Variants in MN1 observed in about 807,000 individuals in gnomAD.
The protein encoded by MN1 is transcriptional activator MN1.
In MN1, 19 loss-of-function variants were observed where a neutral mutation model predicts 86.9. The ratio of observed to expected loss-of-function variants is 0.22; its 90% CI spans 0.15 to 0.32. MN1 has a LOEUF of 0.32. MN1 is among the 10% of genes least tolerant of loss of function. MN1 has a pLI of 1.00. For synonymous variants in MN1, 928 were observed against 849.6 expected, an observed-to-expected ratio of 1.09 and a Z score of -1.60; for missense variants, 1,841 against 1,862.0, an observed-to-expected ratio of 0.99 and a Z score of 0.21.
chr22:27,759,187 G>A (rs1176855334), intron 1 of MN1, among the ~76,000 whole-genome samples: 35 of 152,058 alleles, frequency 2.3e-4, no homozygotes. Context: ...GAGAAAGGTG[G>A]AGGATTTGAC....
intron 1 of MN1, among the ~76,000 whole-genome samples, chr22:27,772,138 G>A (rs957916351): frequency 1.3e-5 from 2 of 152,150 alleles, no homozygotes; most frequent in African/African-American, 2.4e-5. Context: ...GGGAGAAATC[G>A]CTGCTGTGGG....
chr22:27,787,448 C>T (rs934481151), intron 1 of MN1, among the ~76,000 whole-genome samples: 8 of 152,228 alleles, frequency 5.3e-5, no homozygotes, highest in African/African-American at 1.7e-4. Context: ...CTTAATTTCT[C>T]CAGCTCCTTT....
Position 27,798,021 on chromosome 22 carries a change from G to C in MN1, c.2523C>G (p.Ala841=). The C allele has an allele frequency of 3.1e-6, 5 of 1,606,082 alleles. No individual in the cohort carries two copies. Among genetic ancestry groups the C allele is most frequent in the Non-Finnish European group, 4.2e-6 (5 of 1,177,656 alleles). The stretch of plus-strand genomic sequence containing the variant: ...TGTTGAAGGTCACGTTGAGGTTGGG[G>C]GCCCCGAGGCTGGCGATCATGTTCT... The part of the protein sequence containing the change: ...ACQNMIASLG[A]PNLNVTFNKK... Residue 841 remains alanine, a synonymous_variant, in exon 1 of 2, where the codon GCC becomes GCG. Transcript: ENST00000302326.
chr22:27,797,891 G>A lies in MN1; in HGVS notation c.2653C>T (p.Pro885Ser). The A allele has an allele frequency of 1.3e-6, 2 of 1,597,882 alleles. No homozygotes were observed. Among genetic ancestry groups the A allele is most frequent in the Non-Finnish European group, 1.7e-6 (2 of 1,172,492 alleles). ...GSDYFPGGTA[P>S]GAPGPGGPSG... ...GGGCCTCCGGGTCCTGGGGCCCCAG[G>A]AGCAGTCCCTCCTGGGAAGTAATCC... is the stretch of plus-strand genomic sequence containing the variant. Residue 885 changes from proline (P) to serine (S), a missense_variant, in exon 1 of 2, where the codon CCT becomes TCT. Transcript: ENST00000302326.
At chr22:27,785,736 T>C (rs2146309225) in intron 1 of MN1, among the ~76,000 whole-genome samples, 1 of 117,638 alleles carries the variant, frequency 8.5e-6, no homozygotes, top group South Asian at 2.7e-4. Flanking sequence ...CTGATACAGG[T>C]AACAGGTGTG....
intron 1 of MN1, among the ~76,000 whole-genome samples, chr22:27,772,346 G>T (rs139727315): frequency 6.6e-6 from 1 of 152,166 alleles, no homozygotes; most frequent in African/African-American, 2.4e-5. Context: ...AAATCAATCC[G>T]GCTTCTACCT....
In MN1 at chr22:27,799,928, G is replaced by A. The variant is rs2146318301; in HGVS notation, c.616C>T (p.Leu206=). The change falls in exon 1 of 2, where the codon CTG becomes TTG. Residue 206 remains leucine (L), a synonymous_variant. Coordinates refer to ENST00000302326, the MANE Select transcript of MN1 (RefSeq NM_002430.3). ...SPNRAASFHG[L]PSSSGSDSHS... is the part of the protein sequence containing the mutation. ...GAATCGGAGCCGCTGGAGGACGGCA[G>A]GCCGTGGAAGGAGGCGGCTCGGTTA... 4 of 1,603,424 alleles carry A rather than the reference G, an allele frequency of 2.5e-6. No individual in the cohort carries two copies. Among genetic ancestry groups the A allele is most frequent in the Middle Eastern group, 3.3e-4 (2 of 6,050 alleles).
intron 1 of MN1, among the ~76,000 whole-genome samples, chr22:27,790,691 G>C (rs186078631): frequency 3.3e-5 from 5 of 151,724 alleles, no homozygotes; most frequent in Admixed American, 2.0e-4. Flanking sequence ...GGTAGGTGGG[G>C]GGGGAGTAAA....
intron 1 of MN1, among the ~76,000 whole-genome samples, chr22:27,775,598 G>C (rs961470289): frequency 7.2e-5 from 11 of 152,154 alleles, no homozygotes; most frequent in Non-Finnish European, 1.5e-4. Context: ...CACACCCACA[G>C]GTGCTCAGGA....
intron 1 of MN1, among the ~76,000 whole-genome samples, chr22:27,762,434 T>C (rs1481144722): frequency 6.6e-6 from 1 of 152,136 alleles, no homozygotes; most frequent in African/African-American, 2.4e-5. Flanking sequence ...ACCCCATAAA[T>C]AGTAGCTGCC....
Position 27,798,698 on chromosome 22 carries a change from C to G in MN1, c.1846G>C (p.Gly616Arg). Residue 616 changes from glycine to arginine, a missense_variant, in exon 1 of 2, where the codon GGC (glycine) becomes CGC (arginine). Coordinates refer to ENST00000302326, the MANE Select transcript of MN1 (RefSeq NM_002430.3). ...EGGSTGAGRL[G>R]TFEQQAPHLA... ...TGCGGCGCCTGCTGCTCGAAGGTGC[C>G]CAGACGCCCGGCGCCCGTGCTGCCG... 4 of 1,536,880 alleles carry G rather than the reference C, an allele frequency of 2.6e-6. No individual in the cohort carries two copies. Among genetic ancestry groups the G allele is most frequent in the Non-Finnish European group, 3.5e-6 (4 of 1,148,276 alleles).
chr22:27,800,205 G>A lies in MN1; in HGVS notation c.339C>T (p.His113=), dbSNP rs745514495. 2 of 1,564,700 alleles carry A rather than the reference G, an allele frequency of 1.3e-6. No homozygotes were observed. Among genetic ancestry groups the A allele is most frequent in the South Asian group, 2.4e-5 (2 of 82,868 alleles). The change falls in exon 1 of 2, where the codon CAC becomes CAT. Residue 113 remains histidine, a synonymous_variant. Coordinates refer to ENST00000302326, the MANE Select transcript of MN1 (RefSeq NM_002430.3). ...CCGGGCCACCGAAGTTGCCCCCAAA[G>A]TGGGGGTGATGCTGGTGGGGATGAT... ...GSHHPHQHHP[H]FGGNFGGPDP... is the part of the protein sequence containing the mutation.
At chr22:27,766,459 G>T (rs1340463592) in intron 1 of MN1, among the ~76,000 whole-genome samples, 1 of 152,112 alleles carries the variant, frequency 6.6e-6, no homozygotes, top group African/African-American at 2.4e-5. Flanking sequence ...GGAAGAGGCG[G>T]GTGCAGGGGA....
At chr22:27,775,526 G>A (rs1488101472) in intron 1 of MN1, among the ~76,000 whole-genome samples, 15 of 152,230 alleles carry the variant, frequency 9.9e-5, no homozygotes, top group South Asian at 2.1e-4. Context: ...GCATACCGCC[G>A]TGGCCCAGCC....
At chr22:27,782,168 C>T (rs1933062555) in intron 1 of MN1, among the ~76,000 whole-genome samples, 1 of 152,180 alleles carries the variant, frequency 6.6e-6, no homozygotes, top group African/African-American at 2.4e-5. Flanking sequence ...GGAACACGTG[C>T]CCGATGGTGG....
intron 1 of MN1, among the ~76,000 whole-genome samples, chr22:27,771,256 T>A (rs1484528846): frequency 7.5e-6 from 1 of 132,478 alleles, no homozygotes; most frequent in East Asian, 2.5e-4. Context: ...AGAGATAGGG[T>A]CTCACTCTGT....
In MN1 at chr22:27,801,617, G is replaced by T. The variant is rs1158128601; in HGVS notation, c.-1074C>A. ...TGCGCTCTCAGAGCCCGGAATGGGGGGAGGGGGGCGCGGGGGCAGCTCTGG... is the reference window on the plus strand; with the variant it reads ...TGCGCTCTCAGAGCCCGGAATGGGGTGAGGGGGGCGCGGGGGCAGCTCTGG... On this transcript the variant is annotated 5_prime_UTR_variant, in exon 1 of 2. Coordinates refer to ENST00000302326, the MANE Select transcript of MN1 (RefSeq NM_002430.3). 5.7e-6 allele frequency: 1 copy of T among 174,210 alleles called. No homozygotes were observed. The allele number at this position is 174,210 out of a possible 1,614,324, so 10.8% of individuals were successfully genotyped here. A position where few individuals can be genotyped will look rare whatever the true frequency, so the allele number is the denominator to read the frequency against.
chr22:27,754,226 A>C (rs2146293012), intron 1 of MN1, among the ~76,000 whole-genome samples: 1 of 152,254 alleles, frequency 6.6e-6, no homozygotes, highest in East Asian at 1.9e-4. Context: ...TTTTCGAAAG[A>C]CGCTTTCATC....
intron 1 of MN1, among the ~76,000 whole-genome samples, chr22:27,770,647 GTTATT>G (rs770647256): frequency 1.3e-4 from 20 of 152,224 alleles, no homozygotes; most frequent in South Asian, 6.2e-4. Flanking sequence ...TACAAACCTG[GTTATT>G]TTATTTTATT....
Sources: allele counts gnomAD v4.1 joint callset (sites outside exome capture counted in the v4.1 genomes callset), GRCh38; gene constraint gnomAD v4.1.1; transcripts MANE v1.5; gene names NCBI Gene and HGNC (gene_info 2026-07-23, HGNC 2026-07-21).